DIAPH2: variants seen among roughly 807,000 people sequenced by gnomAD.
DIAPH2 encodes protein diaphanous homolog 2.
DIAPH2 carries 35 observed loss-of-function variants against 92.7 expected under a neutral mutation model. That is an observed-to-expected ratio of 0.38 (90% CI 0.29 to 0.50). The LOEUF (loss-of-function observed/expected upper bound fraction) is 0.50. Ranked by LOEUF, DIAPH2 falls within the 20% of genes least tolerant of loss-of-function variation. DIAPH2 has a pLI of 0.94. For missense variants in DIAPH2, 701 were observed against 819.5 expected (o/e 0.86, Z 1.77); for synonymous variants, 301 against 280.4 (o/e 1.07, Z -0.73).
chrX:97,032,072 C>A (rs1203863059), intron 17 of DIAPH2, among the ~76,000 whole-genome samples: 3 of 111,493 alleles, frequency 2.7e-5, no homozygotes, highest in African/African-American at 9.8e-5. Context: ...CACTAATGGC[C>A]TAGCTTGCAG....
chrX:96,916,547 C>G lies in DIAPH2; in HGVS notation c.842C>G (p.Ala281Gly). 1 of 1,200,644 alleles carries G rather than the reference C, an allele frequency of 8.3e-7. No homozygotes were observed. The highest frequency in any genetic ancestry group is 2.2e-5 in the Admixed American group (1 of 44,711). Residue 281 changes from alanine (A) to glycine (G), a missense_variant, in exon 8 of 27, where the codon GCT becomes GGT. Physicochemically the swap from Ala to Gly is moderately conservative, Grantham distance 60. This residue lies in a region of DIAPH2 where 34 missense variants were observed against 74.7 expected (regional missense o/e 0.46). Transcript: ENST00000324765. The part of the protein sequence containing the change: ...MMTEIVKILS[A>G]ICIVGEENIL... ...ACTGAAATAGTAAAAATACTTTCTG[C>G]TATTTGCATTGTTGGAGAAGAGAAC...
At chrX:96,854,440 A>G (rs1418512210) in intron 4 of DIAPH2, among the ~76,000 whole-genome samples, 1 of 105,604 alleles carries the variant, frequency 9.5e-6, no homozygotes, top group Non-Finnish European at 1.9e-5. Flanking sequence ...AGTGGCAGGC[A>G]TATACAATAG....
intron 17 of DIAPH2, among the ~76,000 whole-genome samples, chrX:97,064,380 A>G (rs2147905187): frequency 9.1e-6 from 1 of 110,064 alleles, no homozygotes; most frequent in East Asian, 2.9e-4. Flanking sequence ...CACTCTACAC[A>G]ACCATTTTTT....
chrX:96,841,841 G>A (rs910299502), intron 4 of DIAPH2, among the ~76,000 whole-genome samples: 1 of 111,773 alleles, frequency 8.9e-6, no homozygotes, highest in African/African-American at 3.2e-5. Context: ...GGCTGAATCC[G>A]AAAAGAGAGT....
At chrX:97,556,446 C>G (rs775169166) in intron 26 of DIAPH2, among the ~76,000 whole-genome samples, 3 of 112,363 alleles carry the variant, frequency 2.7e-5, no homozygotes, top group East Asian at 5.6e-4. Context: ...TTTCTGGAGG[C>G]TAGAAGTTTA....
rs146657730 is a variant in DIAPH2 at position 96,997,850 on chromosome X, A to G, written c.2050+32643A>G. Among the ~76,000 whole-genome samples the G allele has an allele frequency of 7.3e-3, 819 of 112,227 alleles. 5 individuals are homozygous for G. The highest frequency in any genetic ancestry group is 0.025 in the African/African-American group (777 of 30,946). On this transcript the variant is annotated intron_variant, in intron 17 of 26. Transcript: ENST00000324765. The stretch of plus-strand genomic sequence containing the variant: ...GATTGTGATCACGATCATTTTGATT[A>G]TATTAAATGTCACACTTTTAATATT...
chrX:96,914,542 T>C (rs2065490297), intron 7 of DIAPH2, among the ~76,000 whole-genome samples: 1 of 111,258 alleles, frequency 9.0e-6, no homozygotes, highest in Non-Finnish European at 1.9e-5. Flanking sequence ...AATTTAGCTA[T>C]AGGACACTTT....
At chrX:96,962,382 C>CATATATATATACACATATATATACACAT (rs1362470136) in intron 16 of DIAPH2, among the ~76,000 whole-genome samples, 1 of 57,200 alleles carries the variant, frequency 1.7e-5, no homozygotes, top group Non-Finnish European at 3.0e-5. Flanking sequence ...TATATATACA[C>CATATATATATACACATATATATACACAT]ATATATATAC....
At chrX:96,797,147 C>T (rs1340697513) in intron 4 of DIAPH2, among the ~76,000 whole-genome samples, 2 of 110,836 alleles carry the variant, frequency 1.8e-5, no homozygotes, top group African/African-American at 6.6e-5. Flanking sequence ...TTAAAGATTT[C>T]ATCCATTGTC....
intron 4 of DIAPH2, among the ~76,000 whole-genome samples, chrX:96,777,595 C>A (rs2064385416): frequency 9.0e-6 from 1 of 111,309 alleles, no homozygotes; most frequent in African/African-American, 3.3e-5. Flanking sequence ...GATGACTGGG[C>A]TGAAATGGCT....
chrX:97,426,890 A>T (rs2147774654), intron 25 of DIAPH2, among the ~76,000 whole-genome samples: 1 of 111,419 alleles, frequency 9.0e-6, no homozygotes, highest in South Asian at 3.8e-4. Flanking sequence ...ACTAAAAATC[A>T]ATTTGGCCAG....
At chrX:96,719,810 A>T in intron 1 of DIAPH2, among the ~76,000 whole-genome samples, 1 of 112,339 alleles carries the variant, frequency 8.9e-6, no homozygotes, top group Non-Finnish European at 1.9e-5. Flanking sequence ...TTTAAAAAAA[A>T]TTTCTGTGAA....
At chrX:97,329,197 A>G (rs1602511886) in intron 23 of DIAPH2, among the ~76,000 whole-genome samples, 1 of 112,378 alleles carries the variant, frequency 8.9e-6, no homozygotes, top group South Asian at 3.6e-4. Context: ...TGTTCAGTTA[A>G]TATGTGTTTG....
intron 5 of DIAPH2, among the ~76,000 whole-genome samples, chrX:96,902,057 A>G (rs1270326913): frequency 1.8e-5 from 2 of 111,962 alleles, no homozygotes; most frequent in African/African-American, 6.5e-5. Flanking sequence ...AAAATCATTC[A>G]AAACCAGACT....
intron 23 of DIAPH2, among the ~76,000 whole-genome samples, chrX:97,285,250 A>G (rs1283358159): frequency 9.2e-6 from 1 of 108,666 alleles, no homozygotes; most frequent in East Asian, 2.9e-4. Flanking sequence ...TGTAAGATTC[A>G]GTTATGGGGC....
At chrX:97,267,458 A>C (rs1391720771) in intron 23 of DIAPH2, among the ~76,000 whole-genome samples, 1 of 111,540 alleles carries the variant, frequency 9.0e-6, no homozygotes, top group Non-Finnish European at 1.9e-5. Context: ...TGACCTTTCC[A>C]TGTCTTAAGT....
intron 23 of DIAPH2, among the ~76,000 whole-genome samples, chrX:97,340,821 G>T (rs1430822280): frequency 9.3e-6 from 1 of 107,913 alleles, no homozygotes; most frequent in Non-Finnish European, 1.9e-5. Context: ...ACATCCTGCT[G>T]TTTTTTGTAT....
At chrX:96,692,897 A>G (rs1323141269) in intron 1 of DIAPH2, among the ~76,000 whole-genome samples, 4 of 112,230 alleles carry the variant, frequency 3.6e-5, no homozygotes, top group Non-Finnish European at 5.6e-5. Context: ...GGTTTGGTCT[A>G]TCTTTGTTTT....
intron 4 of DIAPH2, among the ~76,000 whole-genome samples, chrX:96,769,366 A>G (rs916871303): frequency 8.9e-6 from 1 of 112,124 alleles, no homozygotes; most frequent in Non-Finnish European, 1.9e-5. Flanking sequence ...TCACCATGCA[A>G]GAACATTTAT....
Sources: allele counts gnomAD v4.1 joint callset (sites outside exome capture counted in the v4.1 genomes callset), GRCh38; gene constraint gnomAD v4.1.1; regional missense constraint gnomAD v4.1.1; transcripts MANE v1.5; gene names NCBI Gene and HGNC (gene_info 2026-07-23, HGNC 2026-07-21).